The following APBA1 variants were observed in gnomAD, a reference collection of about 807,000 sequenced individuals.
APBA1 encodes the protein amyloid-beta A4 precursor protein-binding family A member 1.
A neutral mutation model predicts 86.6 loss-of-function variants in APBA1; 55 were observed. The ratio of observed to expected loss-of-function variants is 0.64; its 90% CI spans 0.51 to 0.80. The LOEUF is 0.80. Among genes scored for constraint, APBA1 ranks in the 30% least tolerant of loss-of-function variants. The probability of loss-of-function intolerance (pLI) is 0.00; values close to 1 mark genes in which losing one functional copy is unlikely to be tolerated. For synonymous variants in APBA1, 511 were observed against 493.9 expected (o/e 1.03, Z -0.46); for missense variants, 1,090 against 1,183.0 (o/e 0.92, Z 1.15).
chr9:69,663,891 C>T (rs926633389), intron 1 of APBA1, among the ~76,000 whole-genome samples: 2 of 152,148 alleles, frequency 1.3e-5, no homozygotes, highest in African/African-American at 4.8e-5. Context: ...TGTATAAATG[C>T]TTACAAAGTC....
chr9:69,580,183 G>A (rs899606468), intron 1 of APBA1, among the ~76,000 whole-genome samples: 9 of 152,186 alleles, frequency 5.9e-5, no homozygotes, highest in South Asian at 2.1e-4. Context: ...CTTGCCAAAC[G>A]TTATTGATTG....
At chr9:69,575,929 A>G (rs1025696379) in intron 1 of APBA1, among the ~76,000 whole-genome samples, 9 of 152,198 alleles carry the variant, frequency 5.9e-5, no homozygotes, top group African/African-American at 2.2e-4. Context: ...CAACCTACAG[A>G]ATAAGAGAAA....
Position 69,495,147 on chromosome 9 carries a change from T to C in APBA1, c.1201-19004A>G. Among the ~76,000 whole-genome samples, 2 of 152,038 alleles carry C rather than the reference T, an allele frequency of 1.3e-5. 1 individual carries two copies. The highest frequency in any genetic ancestry group is 2.9e-5 in the Non-Finnish European group (2 of 67,996). ...TGCTCTGTCCTTACCATCTTGGACT[T>C]CCAAGCCCCAGGCAAACCTGATTCC... is the stretch of plus-strand genomic sequence containing the variant. On this transcript the variant is annotated intron_variant, in intron 2 of 12. Coordinates refer to ENST00000265381, the MANE Select transcript of APBA1 (RefSeq NM_001163.4).
intron 2 of APBA1, among the ~76,000 whole-genome samples, chr9:69,491,196 GA>G (rs1232799650): frequency 6.6e-6 from 1 of 152,014 alleles, no homozygotes; most frequent in Non-Finnish European, 1.5e-5. Context: ...CAAAGACTTG[GA>G]ACCAACCCAA....
intron 1 of APBA1, among the ~76,000 whole-genome samples, chr9:69,536,039 G>GT (rs1210717190): frequency 5.0e-4 from 29 of 58,226 alleles, no homozygotes; most frequent in Middle Eastern, 0.016. Context: ...ATGGCGTGCA[G>GT]TTTTTTGTTT....
intron 1 of APBA1, among the ~76,000 whole-genome samples, chr9:69,648,977 CT>C (rs1424690570): frequency 6.6e-6 from 1 of 152,196 alleles, no homozygotes; most frequent in Non-Finnish European, 1.5e-5. Flanking sequence ...AACTCCATCC[CT>C]CCAGAAGCAC....
intron 6 of APBA1, 70 bp from the exon 7 acceptor site, chr9:69,457,209 GT>G: frequency 8.3e-7 from 1 of 1,208,122 alleles, no homozygotes; most frequent in Non-Finnish European, 1.2e-6. Context: ...AAGGAGTAAG[GT>G]TAGCTCACAC....
At chr9:69,594,221 T>C (rs1366023012) in intron 1 of APBA1, among the ~76,000 whole-genome samples, 2 of 152,144 alleles carry the variant, frequency 1.3e-5, no homozygotes, top group Non-Finnish European at 2.9e-5. Flanking sequence ...CAAACTTCAA[T>C]GTGCCTAAAA....
chr9:69,597,671 T>C (rs1168224260), intron 1 of APBA1, among the ~76,000 whole-genome samples: 2 of 152,250 alleles, frequency 1.3e-5, no homozygotes, highest in Non-Finnish European at 2.9e-5. Flanking sequence ...CTTTAATCCA[T>C]CTTGAATTGA....
intron 1 of APBA1, among the ~76,000 whole-genome samples, chr9:69,616,434 AC>A (rs1822702317): frequency 6.6e-6 from 1 of 152,208 alleles, no homozygotes; most frequent in Non-Finnish European, 1.5e-5. Flanking sequence ...GCCTAGGTTC[AC>A]GGCTCAAAAC....
At chr9:69,452,998 A>G (rs1835037417) in intron 8 of APBA1, among the ~76,000 whole-genome samples, 2 of 152,236 alleles carry the variant, frequency 1.3e-5, no homozygotes, top group African/African-American at 4.8e-5. Flanking sequence ...ATGATATCCC[A>G]CTGCACACTG....
chr9:69,655,674 C>T (rs1016333435), intron 1 of APBA1, among the ~76,000 whole-genome samples: 8 of 152,056 alleles, frequency 5.3e-5, no homozygotes, highest in African/African-American at 1.9e-4. Context: ...AACACAATCC[C>T]TATAGAAACA....
chr9:69,493,962 C>T (rs1835754848), intron 2 of APBA1, among the ~76,000 whole-genome samples: 1 of 152,014 alleles, frequency 6.6e-6, no homozygotes, highest in Admixed American at 6.5e-5. Context: ...TTTTTAAAAA[C>T]CCCAAATATA....
chr9:69,579,287 C>A (rs1385835678), intron 1 of APBA1, among the ~76,000 whole-genome samples: 1 of 152,150 alleles, frequency 6.6e-6, no homozygotes, highest in Non-Finnish European at 1.5e-5. Context: ...CAGCACTTTT[C>A]TTTTCCCCCT....
In APBA1 at chr9:69,516,234, A is replaced by G. The variant is rs746356370; in HGVS notation, c.977T>C (p.Val326Ala). 6.9e-7 allele frequency: 1 copy of G among 1,457,962 alleles called. No homozygotes were observed. The highest frequency in any genetic ancestry group is 2.8e-5 in the East Asian group (1 of 35,130). The allele number at this position is 1,457,962 out of a possible 1,614,324, so 90.3% of individuals were successfully genotyped here. ...LQAPAGQQRAVGPAGGGEAGQ... is the reference protein window; with the variant it reads ...LQAPAGQQRAAGPAGGGEAGQ... ...CGCCTCGCCGCCGCCCGCGGGGCCC[A>G]CCGCCCGCTGCTGCCCCGCCGGCGC... Residue 326 changes from valine (V) to alanine (A), a missense_variant, in exon 2 of 13, where the codon GTG becomes GCG. Around this residue, in one of 6 missense-constraint regions of APBA1, gnomAD observed 678 missense variants for 647.1 expected, o/e 1.05. Transcript: ENST00000265381. This position sits in a 1 kb window ranked among gnomAD's most constrained non-coding sequence, Gnocchi z 7.3.
intron 2 of APBA1, among the ~76,000 whole-genome samples, chr9:69,488,025 T>C (rs766080481): frequency 3.9e-5 from 6 of 152,098 alleles, no homozygotes; most frequent in Non-Finnish European, 5.9e-5. Flanking sequence ...TAGAACTGCA[T>C]AAAGTTGAAG....
intron 1 of APBA1, among the ~76,000 whole-genome samples, chr9:69,599,724 C>A (rs1374166267): frequency 6.6e-6 from 1 of 152,170 alleles, no homozygotes; most frequent in Non-Finnish European, 1.5e-5. Context: ...ACTATGCAGA[C>A]CTCCTGAATC....
chr9:69,563,050 C>T (rs1166531347), intron 1 of APBA1, among the ~76,000 whole-genome samples: 1 of 152,162 alleles, frequency 6.6e-6, no homozygotes, highest in Non-Finnish European at 1.5e-5. Flanking sequence ...GCTTAAAAGC[C>T]TTCAGCTAAG....
At chr9:69,594,946 AC>A (rs1822200610) in intron 1 of APBA1, among the ~76,000 whole-genome samples, 1 of 152,236 alleles carries the variant, frequency 6.6e-6, no homozygotes, top group African/African-American at 2.4e-5. Context: ...TGAGATATTA[AC>A]AACTACAATG....
Sources: allele counts gnomAD v4.1 joint callset (sites outside exome capture counted in the v4.1 genomes callset), GRCh38; gene constraint gnomAD v4.1.1; regional missense constraint gnomAD v4.1.1; non-coding constraint Gnocchi (gnomAD v3.1); transcripts MANE v1.5; gene names NCBI Gene and HGNC (gene_info 2026-07-23, HGNC 2026-07-21).